Variants in MAP3K13 observed in about 807,000 individuals in gnomAD.
The protein encoded by MAP3K13 is leucine zipper-bearing kinase.
Under a neutral mutation model 104.0 loss-of-function variants are expected in MAP3K13, and 52 were observed. The observed-to-expected ratio is 0.50, with a 90% CI of 0.40 to 0.63. The LOEUF (loss-of-function observed/expected upper bound fraction) is 0.63, where lower values mean the gene tolerates loss of function less well. Ranked by LOEUF, MAP3K13 falls within the 20% of genes least tolerant of loss-of-function variation. The pLI, the probability that MAP3K13 is intolerant of heterozygous loss-of-function variation, is 0.00. For synonymous variants in MAP3K13, 394 were observed against 442.2 expected, an observed-to-expected ratio of 0.89 and a Z score of 1.37; for missense variants, 914 against 1,218.5, an observed-to-expected ratio of 0.75 and a Z score of 3.72.
chr3:185,406,666 C>T (rs1713129533), intron 1 of MAP3K13, among the ~76,000 whole-genome samples: 1 of 152,160 alleles, frequency 6.6e-6, no homozygotes, highest in Non-Finnish European at 1.5e-5. Context: ...GATTTTGGTA[C>T]TATTCTAGCC....
chr3:185,368,001 A>G (rs1723973305), intron 1 of MAP3K13, among the ~76,000 whole-genome samples: 1 of 152,202 alleles, frequency 6.6e-6, no homozygotes, highest in Non-Finnish European at 1.5e-5. Context: ...TACAAAAAAT[A>G]CAAAAATTAG....
At chr3:185,284,754 A>C (rs1035731905) in intron 1 of MAP3K13, among the ~76,000 whole-genome samples, 2 of 149,422 alleles carry the variant, frequency 1.3e-5, no homozygotes, top group East Asian at 2.0e-4. Context: ...AAATAAATAA[A>C]ATTTAAAAAA....
chr3:185,459,447 TA>T (rs1184676277), intron 7 of MAP3K13, among the ~76,000 whole-genome samples: 1 of 152,016 alleles, frequency 6.6e-6, no homozygotes. Context: ...TTTTAACCAT[TA>T]AAAAAAATTT....
chr3:185,455,026 G>A (rs1392722907), intron 7 of MAP3K13, among the ~76,000 whole-genome samples: 2 of 85,778 alleles, frequency 2.3e-5, no homozygotes, highest in South Asian at 3.7e-4. Context: ...TGATATATAT[G>A]AGATATATAT....
chr3:185,455,823 TATATATGAGATATATATATGAG>T (rs1716676865), intron 7 of MAP3K13, among the ~76,000 whole-genome samples: 2 of 115,056 alleles, frequency 1.7e-5, no homozygotes, highest in African/African-American at 6.3e-5. Flanking sequence ...ATATATGAGA[TATATATGAGATATATATATGAG>T]ATATATATGA....
At chr3:185,284,580 G>A (rs1390948658) in intron 1 of MAP3K13, among the ~76,000 whole-genome samples, 7 of 152,072 alleles carry the variant, frequency 4.6e-5, no homozygotes, top group African/African-American at 1.7e-4. Context: ...TTAGCCGGGC[G>A]GGGCTCGAGC....
chr3:185,455,039 TATATATATGAGATATATGTGAG>T (rs200006461), intron 7 of MAP3K13, among the ~76,000 whole-genome samples: 6,766 of 95,896 alleles, frequency 0.071, 1,140 homozygotes, highest in East Asian at 0.18. Flanking sequence ...ATATATATGA[TATATATATGAGATATATGTGAG>T]ATATATATGA....
upstream of MAP3K13, among the ~76,000 whole-genome samples, chr3:185,361,099 T>C (rs1358125017): frequency 4.0e-4 from 4 of 9,890 alleles, no homozygotes; most frequent in Non-Finnish European, 3.1e-3. Flanking sequence ...TATATATATA[T>C]GTGTGTGTGT....
intron 1 of MAP3K13, among the ~76,000 whole-genome samples, chr3:185,414,989 T>C (rs939625110): frequency 2.0e-5 from 3 of 152,082 alleles, no homozygotes; most frequent in African/African-American, 7.2e-5. Flanking sequence ...CTGGGCAATA[T>C]AGTGAGATCC....
intron 2 of MAP3K13, among the ~76,000 whole-genome samples, chr3:185,329,770 G>A (rs1256039062): frequency 2.0e-5 from 3 of 152,134 alleles, no homozygotes; most frequent in Admixed American, 1.3e-4. Context: ...TGTTAAGGTC[G>A]CATGTGGTGT....
intron 2 of MAP3K13, among the ~76,000 whole-genome samples, chr3:185,336,712 A>G (rs930007382): frequency 1.3e-5 from 2 of 151,404 alleles, no homozygotes; most frequent in East Asian, 1.9e-4. Flanking sequence ...TAGACTATAC[A>G]TGACTGGAAG....
chr3:185,410,834 C>A (rs1010752158), intron 1 of MAP3K13, among the ~76,000 whole-genome samples: 1 of 151,212 alleles, frequency 6.6e-6, no homozygotes, highest in Non-Finnish European at 1.5e-5. Context: ...ACTTAGGAGG[C>A]TGAGGCAGGA....
chr3:185,412,902 A>G (rs1713531541), intron 1 of MAP3K13, among the ~76,000 whole-genome samples: 1 of 152,154 alleles, frequency 6.6e-6, no homozygotes, highest in Non-Finnish European at 1.5e-5. Flanking sequence ...TTCCTCCATT[A>G]GCCCTCCCCT....
Position 185,450,725 on chromosome 3 carries a change from ATGAGTC to A in MAP3K13, c.1170-557_1170-552del, listed in dbSNP as rs891926545. On this transcript the variant is annotated intron_variant, in intron 6 of 13. Transcript: ENST00000265026. The surrounding 1 kb of genome is among the most constrained non-coding windows in gnomAD (Gnocchi z 4.2). ...CGAGGTAGGAGGATCACTTGAACCC[ATGAGTC>A]TGAGATCAGCTTAGGCAACATAGTG... 4.0e-5 allele frequency among the ~76,000 whole-genome samples: 6 copies of A among 151,896 alleles called. No homozygotes were observed. Among genetic ancestry groups the A allele is most frequent in the African/African-American group, 1.5e-4 (6 of 41,358 alleles).
intron 2 of MAP3K13, among the ~76,000 whole-genome samples, chr3:185,321,360 T>A (rs1318328287): frequency 6.6e-6 from 1 of 152,228 alleles, no homozygotes; most frequent in Non-Finnish European, 1.5e-5. Flanking sequence ...TCAAATAGCA[T>A]TCATTAAGCA....
At chr3:185,372,913 A>ATACCTG (rs1724230018) in intron 1 of MAP3K13, among the ~76,000 whole-genome samples, 1 of 152,224 alleles carries the variant, frequency 6.6e-6, no homozygotes, top group South Asian at 2.1e-4. Flanking sequence ...CTCCAAGGGA[A>ATACCTG]TACCTGTACC....
At chr3:185,448,475 A>G (rs144175061) in intron 5 of MAP3K13, among the ~76,000 whole-genome samples, 159 of 152,322 alleles carry the variant, frequency 1.0e-3, no homozygotes, top group Middle Eastern at 6.8e-3. Flanking sequence ...CTCTGAGGTT[A>G]TAAGTCTTTT....
intron 2 of MAP3K13, among the ~76,000 whole-genome samples, chr3:185,341,276 T>G (rs1722714315): frequency 6.6e-6 from 1 of 151,986 alleles, no homozygotes. Flanking sequence ...GAGAAATATA[T>G]AGAGAAGAGG....
rs752054028 is a variant in MAP3K13, at chr3:185,315,838, TTAA to T, written c.-86+30198_-86+30200del. Among the ~76,000 whole-genome samples, 2 of 152,176 alleles carry T rather than the reference TTAA, an allele frequency of 1.3e-5. No individual in the cohort carries two copies. Among genetic ancestry groups the T allele is most frequent in the African/African-American group, 2.4e-5 (1 of 41,442 alleles). On this transcript the variant is annotated intron_variant, in intron 2 of 14. Coordinates refer to the MAP3K13 transcript ENST00000424227. This position sits in a 1 kb window ranked among gnomAD's most constrained non-coding sequence, Gnocchi z 4.3. ...ATTAATATATATTGCTATTATTATA[TTAA>T]TATTTTTGGTTAAGATACATCAAAA...
Sources: allele counts gnomAD v4.1 joint callset (sites outside exome capture counted in the v4.1 genomes callset), GRCh38; gene constraint gnomAD v4.1.1; non-coding constraint Gnocchi (gnomAD v3.1); transcripts MANE v1.5; gene names NCBI Gene and HGNC (gene_info 2026-07-23, HGNC 2026-07-21).